The following TNFRSF21 variants were observed in gnomAD, a reference collection of about 807,000 sequenced individuals.
TNFRSF21 encodes TNF receptor superfamily member 21, also known as tumor necrosis factor receptor superfamily member 21.
In TNFRSF21, 19 loss-of-function variants were observed where a neutral mutation model predicts 45.6. That is an observed-to-expected ratio of 0.42 (90% confidence interval 0.29 to 0.61). The LOEUF is 0.61. Among genes scored for constraint, TNFRSF21 ranks in the 20% least tolerant of loss-of-function variants. The pLI is 0.23. For synonymous variants in TNFRSF21, 314 were observed against 335.5 expected (o/e 0.94, Z 0.70); for missense variants, 737 against 851.5 (o/e 0.87, Z 1.67).
Position 47,234,849 on chromosome 6 carries a change from G to C in TNFRSF21, c.1559C>G (p.Pro520Arg). The change falls in exon 5 of 6, where the codon CCG (proline) becomes CGG (arginine). Residue 520 changes from proline (P) to arginine (R), a missense_variant. Transcript: ENST00000296861. ...CGCGTTGGGGCTGGGGATGGGGCTC[G>C]GGCTAAGCGGGCTGGGGCTCATCGG... is the stretch of plus-strand genomic sequence containing the variant. Reference protein sequence around the residue: ...ALPMSPSPLSPSPIPSPNAKL... With the variant: ...ALPMSPSPLSRSPIPSPNAKL... 1 of 1,492,530 alleles carries C rather than the reference G, an allele frequency of 6.7e-7. No homozygotes were observed. Among genetic ancestry groups the C allele is most frequent in the Non-Finnish European group, 8.9e-7 (1 of 1,124,872 alleles). 92.5% of individuals were successfully genotyped at this position (1,492,530 alleles called of 1,614,324 possible).
chr6:47,259,872 T>C (rs1005605929), intron 3 of TNFRSF21, among the ~76,000 whole-genome samples: 2 of 152,166 alleles, frequency 1.3e-5, no homozygotes, highest in South Asian at 4.2e-4. Flanking sequence ...TTGGTAGTAG[T>C]CACAAGATAT....
chr6:47,257,420 C>A (rs1765003902), intron 3 of TNFRSF21, among the ~76,000 whole-genome samples: 1 of 152,210 alleles, frequency 6.6e-6, no homozygotes, highest in Non-Finnish European at 1.5e-5. Flanking sequence ...TGTCCTCTCC[C>A]ACCGTGGAGT....
At chr6:47,259,147 A>G (rs1765032894) in intron 3 of TNFRSF21, among the ~76,000 whole-genome samples, 1 of 152,262 alleles carries the variant, frequency 6.6e-6, no homozygotes, top group South Asian at 2.1e-4. Flanking sequence ...GTGAAATGAC[A>G]GTAAGTGACA....
At chr6:47,271,496 C>G (rs908955993) in intron 3 of TNFRSF21, among the ~76,000 whole-genome samples, 1 of 152,176 alleles carries the variant, frequency 6.6e-6, no homozygotes. Context: ...GCCTGCCTTA[C>G]AAGAGCTCCT....
intron 1 of TNFRSF21, among the ~76,000 whole-genome samples, chr6:47,290,308 G>A (rs1762705668): frequency 6.6e-6 from 1 of 152,106 alleles, no homozygotes; most frequent in Admixed American, 6.5e-5. Flanking sequence ...ACCTGTGTGG[G>A]AGGATGGGCA....
At chr6:47,297,812 C>T (rs1346313861) in intron 1 of TNFRSF21, among the ~76,000 whole-genome samples, 6 of 152,214 alleles carry the variant, frequency 3.9e-5, no homozygotes, top group Non-Finnish European at 5.9e-5. Context: ...TGTAAGCCAC[C>T]GCACCTGGCC....
At chr6:47,263,771 G>A (rs1762283345) in intron 3 of TNFRSF21, among the ~76,000 whole-genome samples, 1 of 152,174 alleles carries the variant, frequency 6.6e-6, no homozygotes, top group Non-Finnish European at 1.5e-5. Flanking sequence ...ACACCTGAAT[G>A]TATATTTTAA....
rs1312882711 is a variant in TNFRSF21, at chr6:47,239,302, A to G, written c.1510-4404T>C. 3.3e-5 allele frequency among the ~76,000 whole-genome samples: 5 copies of G among 151,170 alleles called. No individual in the cohort carries two copies. The East Asian group carries it at 9.6e-4, about 29-fold the overall frequency. Reference sequence around the variant, plus strand: ...CTCCATCTCAAAAAAAAAAAAAAAAAAAAAAAAAGGAAACTGAAGCCCAAA... The same window carrying G: ...CTCCATCTCAAAAAAAAAAAAAAAAGAAAAAAAAGGAAACTGAAGCCCAAA... On this transcript the variant is annotated intron_variant, in intron 4 of 5. Transcript: ENST00000296861.
chr6:47,304,976 T>C (rs191737462), intron 1 of TNFRSF21, among the ~76,000 whole-genome samples: 115 of 152,344 alleles, frequency 7.5e-4, no homozygotes, highest in Non-Finnish European at 1.4e-3. Flanking sequence ...TTCCTCTGAT[T>C]AGAAGTTGCT....
Position 47,252,751 on chromosome 6 carries a change from C to T in TNFRSF21, c.1509+505G>A, listed in dbSNP as rs557040066. Reference sequence around the variant, plus strand: ...CTCAGTTCCCATCTGATGTGCTCCACGGAACAACCCAAGGAGGAGAATCAG... The same window carrying T: ...CTCAGTTCCCATCTGATGTGCTCCATGGAACAACCCAAGGAGGAGAATCAG... On this transcript the variant is annotated intron_variant, in intron 4 of 5. Coordinates refer to ENST00000296861, the MANE Select transcript of TNFRSF21 (RefSeq NM_014452.5). Among the ~76,000 whole-genome samples the T allele has an allele frequency of 5.3e-5, 8 of 152,298 alleles. No homozygotes were observed. In the East Asian group the frequency reaches 5.8e-4, roughly 11 times the overall value.
At chr6:47,236,530 G>GCAGATTGTGAAGATT (rs1166849863) in intron 4 of TNFRSF21, among the ~76,000 whole-genome samples, 1 of 152,202 alleles carries the variant, frequency 6.6e-6, no homozygotes, top group Non-Finnish European at 1.5e-5. Flanking sequence ...GCAACTGATT[G>GCAGATTGTGAAGATT]CAGATTGTGA....
intron 3 of TNFRSF21, among the ~76,000 whole-genome samples, chr6:47,267,654 CA>C (rs1331078213): frequency 6.6e-6 from 1 of 152,124 alleles, no homozygotes; most frequent in East Asian, 1.9e-4. Flanking sequence ...AAGGGGCAAC[CA>C]AGCTGGTAAT....
At chr6:47,258,403 T>G (rs1256136943) in intron 3 of TNFRSF21, among the ~76,000 whole-genome samples, 3 of 151,492 alleles carry the variant, frequency 2.0e-5, no homozygotes, top group Non-Finnish European at 2.9e-5. Context: ...TTGTGGTTTT[T>G]TTTTTTTTTT....
At chr6:47,304,352 A>C (rs981776698) in intron 1 of TNFRSF21, among the ~76,000 whole-genome samples, 2 of 152,108 alleles carry the variant, frequency 1.3e-5, no homozygotes, top group African/African-American at 2.4e-5. Flanking sequence ...TTTATGAAGG[A>C]CCAGCTGAAC....
chr6:47,253,630 C>T (rs1228622200), intron 3 of TNFRSF21, 109 bp from the exon 4 acceptor site: 8 of 1,334,116 alleles, frequency 6.0e-6, no homozygotes, highest in Non-Finnish European at 8.1e-6. Flanking sequence ...TTTCCTATCG[C>T]TGTATGTCAA....
intron 1 of TNFRSF21, among the ~76,000 whole-genome samples, chr6:47,292,009 T>G (rs942774874): frequency 1.3e-5 from 2 of 152,214 alleles, no homozygotes; most frequent in Non-Finnish European, 2.9e-5. Flanking sequence ...CCCACTCGCC[T>G]GGTGGCAGCC....
chr6:47,298,228 C>A (rs771736562), intron 1 of TNFRSF21, among the ~76,000 whole-genome samples: 1 of 149,528 alleles, frequency 6.7e-6, no homozygotes, highest in Non-Finnish European at 1.5e-5. Context: ...ATTGCTTGAG[C>A]CCAGGAGCTT....
At chr6:47,296,092 A>G (rs1314335289) in intron 1 of TNFRSF21, among the ~76,000 whole-genome samples, 1 of 152,194 alleles carries the variant, frequency 6.6e-6, no homozygotes, top group East Asian at 1.9e-4. Context: ...TTCTGCATAC[A>G]TGAAGAAGCC....
At chr6:47,291,188 G>A (rs767250516) in intron 1 of TNFRSF21, among the ~76,000 whole-genome samples, 2 of 152,184 alleles carry the variant, frequency 1.3e-5, no homozygotes, top group African/African-American at 2.4e-5. Context: ...CTCAGCACAG[G>A]AACTAAAAAG....
Sources: allele counts gnomAD v4.1 joint callset (sites outside exome capture counted in the v4.1 genomes callset), GRCh38; gene constraint gnomAD v4.1.1; transcripts MANE v1.5; gene names NCBI Gene and HGNC (gene_info 2026-07-23, HGNC 2026-07-21).